The following AMBN variants were observed in gnomAD, a reference collection of about 807,000 sequenced individuals.
AMBN encodes the protein ameloblastin, also known as enamel matrix protein.
Under a neutral mutation model 48.0 loss-of-function variants are expected in AMBN, and 54 were observed. The observed-to-expected ratio is 1.12, with a 90% CI of 0.90 to 1.41. The LOEUF is 1.41. AMBN is among the 40% of genes most tolerant of loss of function. The pLI is 0.00. For missense variants in AMBN, 571 were observed against 547.3 expected, an observed-to-expected ratio of 1.04 and a Z score of -0.43; for synonymous variants, 186 against 190.0, an observed-to-expected ratio of 0.98 and a Z score of 0.17.
rs1335956265 is a variant in AMBN at position 70,592,384 on chromosome 4, A to T, written c.15+11A>T. The T allele has an allele frequency of 1.9e-6, 3 of 1,613,762 alleles. No individual in the cohort carries two copies. The highest frequency in any genetic ancestry group is 2.7e-5 in the African/African-American group (2 of 74,984). On this transcript the variant is annotated intron_variant, in intron 1 of 12. Coordinates refer to ENST00000322937, the MANE Select transcript of AMBN (RefSeq NM_016519.6). ...ATGTCAGCATCTAAGGTAAAATGGGATTTTATGATTTCCATGTGTTTCCTG... is the reference window on the plus strand; with the variant it reads ...ATGTCAGCATCTAAGGTAAAATGGGTTTTTATGATTTCCATGTGTTTCCTG...
chr4:70,592,366 C>CA lies in AMBN; in HGVS notation c.9dup (p.Ser4IlefsTer2), dbSNP rs1340429571. On this transcript the variant is annotated frameshift_variant, in exon 1 of 13. Coordinates refer to ENST00000322937, the MANE Select transcript of AMBN (RefSeq NM_016519.6). LOFTEE classifies it high-confidence loss of function. ...GCCCTGAGAGCACAGTGCATGTCAG[C>CA]ATCTAAGGTAAAATGGGATTTTATG... The CA allele has an allele frequency of 6.2e-7, 1 of 1,613,908 alleles. No individual in the cohort carries two copies. Among genetic ancestry groups the CA allele is most frequent in the Non-Finnish European group, 8.5e-7 (1 of 1,179,944 alleles).
At chr4:70,603,950 A>C (rs766147620) in intron 12 of AMBN, 29 bp downstream of exon 12, 56 of 1,610,548 alleles carry the variant, frequency 3.5e-5, no homozygotes, top group Non-Finnish European at 4.7e-5. Flanking sequence ...CTCTTCTTAA[A>C]ATAGTGGCCA....
rs752057018 is a variant in AMBN at position 70,602,797 on chromosome 4, G to C, written c.571-1G>C. On this transcript the variant is annotated splice_acceptor_variant, in intron 7 of 12. Transcript: ENST00000322937. LOFTEE classifies it high-confidence loss of function. ...AATTTTAATATTTATCTACAATATA[G>C]CTCCCAGGAATGGATTTTCCTGATC... 9.3e-5 allele frequency: 148 copies of C among 1,583,838 alleles called. No homozygotes were observed. The highest frequency in any genetic ancestry group is 1.2e-4 in the Non-Finnish European group (141 of 1,162,642).
At chr4:70,596,884 C>G in intron 2 of AMBN, 115 bp from the exon 3 acceptor site, 6 of 744,384 alleles carry the variant, frequency 8.1e-6, no homozygotes, top group Non-Finnish European at 1.3e-5. Context: ...CATAATAAAC[C>G]AAAATGGTGG....
Position 70,606,265 on chromosome 4 carries a change from CCA to C in AMBN, c.882_883del (p.His294GlnfsTer7), listed in dbSNP as rs754594272. On this transcript the variant is annotated frameshift_variant, in exon 13 of 13. Coordinates refer to ENST00000322937, the MANE Select transcript of AMBN (RefSeq NM_016519.6). LOFTEE classifies it low-confidence loss of function (END_TRUNC). Reference sequence around the variant, plus strand: ...TGAGGCCCGGCTTTGAGGGAATGCCCCACAACCCAGCTATGGGCGGTGACTTC... The same window carrying C: ...TGAGGCCCGGCTTTGAGGGAATGCCCCAACCCAGCTATGGGCGGTGACTTC... The part of the protein sequence containing the change: ...GMRPGFEGMP[H>X]NPAMGGDFTL... The C allele has an allele frequency of 1.2e-6, 2 of 1,614,088 alleles. No individual in the cohort carries two copies. Among genetic ancestry groups the C allele is most frequent in the Non-Finnish European group, 1.7e-6 (2 of 1,180,016 alleles).
Position 70,606,886 on chromosome 4 carries a change from A to G in AMBN, c.*156A>G, listed in dbSNP as rs1577958872. The G allele has an allele frequency of 3.8e-6, 3 of 783,864 alleles. No individual in the cohort carries two copies. In the Middle Eastern group the frequency reaches 1.1e-3, roughly 300 times the overall value. 48.6% of individuals were successfully genotyped at this position (783,864 alleles called of 1,614,324 possible). On this transcript the variant is annotated 3_prime_UTR_variant, in exon 13 of 13. Coordinates refer to ENST00000322937, the MANE Select transcript of AMBN (RefSeq NM_016519.6). ...AAATGCAAGTGGCTAGAAATAGTGTAGGTCCCCTTCTTGCTTTCAATATCT... is the reference window on the plus strand; with the variant it reads ...AAATGCAAGTGGCTAGAAATAGTGTGGGTCCCCTTCTTGCTTTCAATATCT...
At chr4:70,604,912 G>A (rs913300389) in intron 12 of AMBN, among the ~76,000 whole-genome samples, 5 of 151,630 alleles carry the variant, frequency 3.3e-5, no homozygotes, top group African/African-American at 1.2e-4. Flanking sequence ...AGAATCACTC[G>A]AAACTGGGAG....
At chr4:70,599,741 T>A in intron 5 of AMBN, 95 bp downstream of exon 5, 1 of 824,960 alleles carries the variant, frequency 1.2e-6, no homozygotes, top group Non-Finnish European at 1.8e-6. Context: ...AACAGCCAAG[T>A]CCTAGCATTA....
rs373660529 is a variant in AMBN at position 70,601,371 on chromosome 4, T to A, written c.295-47T>A. Reference sequence around the variant, plus strand: ...TGTTTAGAAATTCTAGGCACCGTTGTTTAATGAGCCATCCCTTCCTAACAC... The same window carrying A: ...TGTTTAGAAATTCTAGGCACCGTTGATTAATGAGCCATCCCTTCCTAACAC... On this transcript the variant is annotated intron_variant, in intron 5 of 12. Transcript: ENST00000322937. 175 of 1,585,706 alleles carry A rather than the reference T, an allele frequency of 1.1e-4. 1 individual carries two copies. The African/African-American group carries it at 2.2e-3, about 20-fold the overall frequency.
Position 70,601,473 on chromosome 4 carries a change from A to C in AMBN, c.350A>C (p.Lys117Thr). 6.2e-7 allele frequency: 1 copy of C among 1,614,182 alleles called. No homozygotes were observed. The highest frequency in any genetic ancestry group is 8.5e-7 in the Non-Finnish European group (1 of 1,179,990). ...PPPLPSQPSL[K>T]PQQPGLKPFL... ...CCTCTCCCATCACAGCCATCCTTGAAGCCTCAACAGCCAGGACTGAAACCT... is the reference window on the plus strand; with the variant it reads ...CCTCTCCCATCACAGCCATCCTTGACGCCTCAACAGCCAGGACTGAAACCT... Residue 117 changes from lysine (K) to threonine (T), a missense_variant, in exon 6 of 13, where the codon AAG becomes ACG. Physicochemically the swap from Lys to Thr is moderately conservative, Grantham distance 78. Transcript: ENST00000322937.
chr4:70,602,804 G>T lies in AMBN; in HGVS notation c.577G>T (p.Gly193Ter). 1 of 1,588,870 alleles carries T rather than the reference G, an allele frequency of 6.3e-7. No individual in the cohort carries two copies. Among genetic ancestry groups the T allele is most frequent in the Non-Finnish European group, 8.6e-7 (1 of 1,165,974 alleles). ...FADPQGPSLP[G>*]MDFPDPQGPS... is the part of the protein sequence containing the mutation. ...ATATTTATCTACAATATAGCTCCCA[G>T]GAATGGATTTTCCTGATCCACAAGG... Residue 193 changes from glycine (G) to a stop codon, truncating the protein, a stop_gained, in exon 8 of 13, where the codon GGA becomes TGA. Coordinates refer to ENST00000322937, the MANE Select transcript of AMBN (RefSeq NM_016519.6). LOFTEE classifies it high-confidence loss of function.
intron 6 of AMBN, among the ~76,000 whole-genome samples, 155 bp from the exon 7 acceptor site, chr4:70,602,469 G>T (rs1436953295): frequency 6.6e-6 from 1 of 152,058 alleles, no homozygotes; most frequent in Non-Finnish European, 1.5e-5. Flanking sequence ...CTAAAAGAAA[G>T]TAAAATAATG....
intron 12 of AMBN, 56 bp downstream of exon 12, chr4:70,603,977 T>C: frequency 6.5e-7 from 1 of 1,545,498 alleles, no homozygotes; most frequent in South Asian, 1.1e-5. Context: ...AACAGTCACT[T>C]ATGACTGGCT....
chr4:70,603,713 C>T (rs1272973252), intron 11 of AMBN, among the ~76,000 whole-genome samples, 164 bp from the exon 12 acceptor site: 1 of 152,020 alleles, frequency 6.6e-6, no homozygotes, highest in Non-Finnish European at 1.5e-5. Flanking sequence ...CTGAATTATC[C>T]GAGTTGACTA....
chr4:70,602,273 C>T (rs989210871), intron 6 of AMBN, among the ~76,000 whole-genome samples: 2 of 152,108 alleles, frequency 1.3e-5, no homozygotes, highest in Non-Finnish European at 2.9e-5. Flanking sequence ...CCCAGGAGTA[C>T]ACAAAAATTA....
chr4:70,596,946 T>C (rs1283755881), intron 2 of AMBN, 53 bp from the exon 3 acceptor site: 21 of 1,540,502 alleles, frequency 1.4e-5, no homozygotes, highest in Non-Finnish European at 1.9e-5. Flanking sequence ...CCAATGGGCA[T>C]TGAAGGAAGT....
rs774830241 is a variant in AMBN at position 70,602,815 on chromosome 4, T to C, written c.588T>C (p.Phe196=). 46 of 1,591,882 alleles carry C rather than the reference T, an allele frequency of 2.9e-5. No individual in the cohort carries two copies. Among genetic ancestry groups the C allele is most frequent in the Non-Finnish European group, 3.8e-5 (44 of 1,168,112 alleles). The change falls in exon 8 of 13, where the codon TTT becomes TTC. Residue 196 remains phenylalanine, a synonymous_variant. Transcript: ENST00000322937. ...PQGPSLPGMD[F]PDPQGPSLPG... ...CAATATAGCTCCCAGGAATGGATTTTCCTGATCCACAAGGTCCATCAGTAA... is the reference window on the plus strand; with the variant it reads ...CAATATAGCTCCCAGGAATGGATTTCCCTGATCCACAAGGTCCATCAGTAA...
At chr4:70,601,272 G>A (rs1737514033) in intron 5 of AMBN, 146 bp from the exon 6 acceptor site, 1 of 802,948 alleles carries the variant, frequency 1.2e-6, no homozygotes, top group South Asian at 1.7e-5. Context: ...ACTAACTGGT[G>A]CTTGCTATGT....
In AMBN at chr4:70,599,258, C is replaced by T. The variant is rs573033853; in HGVS notation, c.184-278C>T. 1.2e-4 allele frequency among the ~76,000 whole-genome samples: 18 copies of T among 151,898 alleles called. 1 individual carries two copies. The South Asian group carries it at 2.7e-3, about 23-fold the overall frequency. The stretch of plus-strand genomic sequence containing the variant: ...GAGATCAAGACCATCCTGGCCAACA[C>T]GGTGAAACCCCGTCTCTACTAAAAA... On this transcript the variant is annotated intron_variant, in intron 4 of 12. Transcript: ENST00000322937.
Sources: gnomAD v4.1 joint callset for allele counts (sites outside exome capture counted in the v4.1 genomes callset) on GRCh38, gnomAD v4.1.1 for gene constraint, MANE v1.5 for transcripts, NCBI Gene and HGNC (gene_info 2026-07-23, HGNC 2026-07-21) for gene names.